PCDHGA10: variants seen among roughly 807,000 people sequenced by gnomAD.
PCDHGA10 encodes the protein protocadherin gamma subfamily A, 10, also known as protocadherin gamma-A10.
In PCDHGA10, 42 loss-of-function variants were observed where a neutral mutation model predicts 59.5. The ratio of observed to expected loss-of-function variants is 0.71; its 90% CI spans 0.55 to 0.91. The LOEUF is 0.91. Among genes scored for constraint, PCDHGA10 ranks in the 40% least tolerant of loss-of-function variants. PCDHGA10 has a pLI of 0.00. For synonymous variants in PCDHGA10, 511 were observed against 517.2 expected (o/e 0.99, Z 0.16); for missense variants, 1,111 against 1,198.2 (o/e 0.93, Z 1.07).
intron 1 of PCDHGA10, among the ~76,000 whole-genome samples, chr5:141,460,640 TGTTTACACATA>T (rs2098994223): frequency 6.6e-6 from 1 of 152,096 alleles, no homozygotes; most frequent in Admixed American, 6.6e-5. Flanking sequence ...TATATAACTG[TGTTTACACATA>T]TGTAACTGTA....
rs1357901633 is a variant in PCDHGA10, at chr5:141,476,594, C to G, written c.2437-18213C>G. On this transcript the variant is annotated intron_variant, in intron 1 of 3. Transcript: ENST00000398610. This position sits in a 1 kb window ranked among gnomAD's most constrained non-coding sequence, Gnocchi z 7.6. ...GACGCGCTTTCCGCTCGAGAGCGCG[C>G]ACGATCCCGATGTGGGAAGCAACTC... The G allele has an allele frequency of 3.7e-6, 6 of 1,614,242 alleles. No homozygotes were observed. The highest frequency in any genetic ancestry group is 4.2e-6 in the Non-Finnish European group (5 of 1,180,040).
chr5:141,420,079 C>A, intron 1 of PCDHGA10: 1 of 1,613,998 alleles, frequency 6.2e-7, no homozygotes, highest in Non-Finnish European at 8.5e-7. Flanking sequence ...CTGTGGGTCC[C>A]CCCAACTACA....
In PCDHGA10 at chr5:141,489,993, C is replaced by A; in HGVS notation, c.2437-4814C>A. 6.2e-7 allele frequency: 1 copy of A among 1,614,186 alleles called. No individual in the cohort carries two copies. The highest frequency in any genetic ancestry group is 1.1e-5 in the South Asian group (1 of 91,088). On this transcript the variant is annotated intron_variant, in intron 1 of 3. Transcript: ENST00000398610. The surrounding 1 kb of genome is among the most constrained non-coding windows in gnomAD (Gnocchi z 4.5). ...AATCCTCAGTTCTACGTGTGGGAATCCCAGAGAATGCACCCATTGGTACTC... is the reference window on the plus strand; with the variant it reads ...AATCCTCAGTTCTACGTGTGGGAATACCAGAGAATGCACCCATTGGTACTC...
At chr5:141,473,189 A>G (rs1049891105) in intron 1 of PCDHGA10, among the ~76,000 whole-genome samples, 2 of 152,198 alleles carry the variant, frequency 1.3e-5, no homozygotes, top group Admixed American at 6.5e-5. Flanking sequence ...GAAGGAGTAA[A>G]TGTATCTTCT....
chr5:141,494,021 G>C (rs1036188621), intron 1 of PCDHGA10, among the ~76,000 whole-genome samples: 2 of 152,158 alleles, frequency 1.3e-5, no homozygotes, highest in African/African-American at 2.4e-5. Context: ...CCCCTTGGGA[G>C]CCCTGGAGAC....
At chr5:141,423,572 G>A (rs1239529114) in intron 1 of PCDHGA10, 1 of 1,613,510 alleles carries the variant, frequency 6.2e-7, no homozygotes, top group Admixed American at 1.7e-5. Flanking sequence ...ACGCTCATCA[G>A]CCAGGAGAGC....
intron 1 of PCDHGA10, chr5:141,418,609 C>G: frequency 6.2e-7 from 1 of 1,614,026 alleles, no homozygotes. Flanking sequence ...ACAGGGTTAG[C>G]CTTCGGGAAG....
rs1374646530 is a variant in PCDHGA10, at chr5:141,431,339, T to C, written c.2436+15728T>C. ...AGCCGACGGTAGTAAGTACCCCGAA[T>C]TGGTGCTGAAACGCGCCCTGGACCG... On this transcript the variant is annotated intron_variant, in intron 1 of 3. Coordinates refer to ENST00000398610, the MANE Select transcript of PCDHGA10 (RefSeq NM_018913.3). This position sits in a 1 kb window ranked among gnomAD's most constrained non-coding sequence, Gnocchi z 4.8. 1 of 1,614,060 alleles carries C rather than the reference T, an allele frequency of 6.2e-7. No individual in the cohort carries two copies. The highest frequency in any genetic ancestry group is 8.5e-7 in the Non-Finnish European group (1 of 1,180,024).
Position 141,431,570 on chromosome 5 carries a change from G to T in PCDHGA10, c.2436+15959G>T. On this transcript the variant is annotated intron_variant, in intron 1 of 3. Coordinates refer to ENST00000398610, the MANE Select transcript of PCDHGA10 (RefSeq NM_018913.3). This position sits in a 1 kb window ranked among gnomAD's most constrained non-coding sequence, Gnocchi z 4.8. The stretch of plus-strand genomic sequence containing the variant: ...TGTAGTCAACGCTACCGACCCTGAC[G>T]AAGGAGTCAATGCGGAAGTGAGGTA... The T allele has an allele frequency of 6.2e-7, 1 of 1,614,172 alleles. No homozygotes were observed. Among genetic ancestry groups the T allele is most frequent in the Non-Finnish European group, 8.5e-7 (1 of 1,180,024 alleles).
In PCDHGA10 at chr5:141,431,213, TTCCC is replaced by T. The variant is rs1373533151; in HGVS notation, c.2436+15605_2436+15608del. 1 of 1,614,142 alleles carries T rather than the reference TTCCC, an allele frequency of 6.2e-7. No homozygotes were observed. Among genetic ancestry groups the T allele is most frequent in the Admixed American group, 1.7e-5 (1 of 60,020 alleles). On this transcript the variant is annotated intron_variant, in intron 1 of 3. Transcript: ENST00000398610. This position sits in a 1 kb window ranked among gnomAD's most constrained non-coding sequence, Gnocchi z 4.8. ...TGAAAATGCAGCCACTGAGATGCGGTTCCCTCTACCCCACGCCTGGGATCCGGAT... is the reference window on the plus strand; with the variant it reads ...TGAAAATGCAGCCACTGAGATGCGGTTCTACCCCACGCCTGGGATCCGGAT...
In PCDHGA10 at chr5:141,461,525, A is replaced by T. The variant is rs966592635; in HGVS notation, c.2437-33282A>T. ...TTGGTGATTTGTTAGTTCCTTGTAGATTCTGGATACTAGTCCTTTGTCAGA... is the reference window on the plus strand; with the variant it reads ...TTGGTGATTTGTTAGTTCCTTGTAGTTTCTGGATACTAGTCCTTTGTCAGA... On this transcript the variant is annotated intron_variant, in intron 1 of 3. Coordinates refer to ENST00000398610, the MANE Select transcript of PCDHGA10 (RefSeq NM_018913.3). 5.3e-5 allele frequency among the ~76,000 whole-genome samples: 8 copies of T among 152,106 alleles called. No individual in the cohort carries two copies. The South Asian group carries it at 1.7e-3, about 31-fold the overall frequency.
chr5:141,416,098 G>A (rs745507614), intron 1 of PCDHGA10: 19 of 160,674 alleles, frequency 1.2e-4, no homozygotes, highest in Non-Finnish European at 8.1e-5. Flanking sequence ...AAGGGCAATA[G>A]GCCTTTTTCA....
In PCDHGA10 at chr5:141,487,598, C is replaced by T. The variant is rs1450685717; in HGVS notation, c.2437-7209C>T. 6.2e-7 allele frequency: 1 copy of T among 1,614,210 alleles called. No homozygotes were observed. The highest frequency in any genetic ancestry group is 8.5e-7 in the Non-Finnish European group (1 of 1,180,046). ...TCGCCCAAGCTGCCCACCCTCTGAT[C>T]TTCTCTATGGGCTAGAGGTGAGACC... is the stretch of plus-strand genomic sequence containing the variant. On this transcript the variant is annotated intron_variant, in intron 1 of 3. Transcript: ENST00000398610. The surrounding 1 kb of genome is among the most constrained non-coding windows in gnomAD (Gnocchi z 5.0).
At chr5:141,418,127 A>G in intron 1 of PCDHGA10, 1 of 1,614,104 alleles carries the variant, frequency 6.2e-7, no homozygotes, top group East Asian at 2.2e-5. Flanking sequence ...GAAGGACCGA[A>G]TAGACCGTGA....
In PCDHGA10 at chr5:141,485,818, C is replaced by T; in HGVS notation, c.2437-8989C>T. 6 of 1,613,912 alleles carry T rather than the reference C, an allele frequency of 3.7e-6. No homozygotes were observed. The highest frequency in any genetic ancestry group is 5.1e-6 in the Non-Finnish European group (6 of 1,179,974). On this transcript the variant is annotated intron_variant, in intron 1 of 3. Transcript: ENST00000398610. This position sits in a 1 kb window ranked among gnomAD's most constrained non-coding sequence, Gnocchi z 5.7. ...ACTACCGCCTGGTGCTGACTGCTGTCGATGGAGGGAACCCGCCGAGATCTG... is the reference window on the plus strand; with the variant it reads ...ACTACCGCCTGGTGCTGACTGCTGTTGATGGAGGGAACCCGCCGAGATCTG...
Position 141,490,600 on chromosome 5 carries a change from T to G in PCDHGA10, c.2437-4207T>G. 6.2e-7 allele frequency: 1 copy of G among 1,614,164 alleles called. No homozygotes were observed. Among genetic ancestry groups the G allele is most frequent in the South Asian group, 1.1e-5 (1 of 91,072 alleles). ...AGATGTCAATGACAATGCACCCCGCTTCAACCAGCAGCTTTACACTGCTTA... is the reference window on the plus strand; with the variant it reads ...AGATGTCAATGACAATGCACCCCGCGTCAACCAGCAGCTTTACACTGCTTA... On this transcript the variant is annotated intron_variant, in intron 1 of 3. Coordinates refer to ENST00000398610, the MANE Select transcript of PCDHGA10 (RefSeq NM_018913.3). The surrounding 1 kb of genome is among the most constrained non-coding windows in gnomAD (Gnocchi z 5.4).
At position 141,491,098 on chromosome 5, in the gene PCDHGA10, C is replaced by A. The variant is rs1283499077; in HGVS notation, c.2437-3709C>A. ...ACAGTCCACAGCCCCAGGACTGTTC[C>A]TCGTGTCTACACACACTGGTGAGGT... On this transcript the variant is annotated intron_variant, in intron 1 of 3. Coordinates refer to ENST00000398610, the MANE Select transcript of PCDHGA10 (RefSeq NM_018913.3). This position sits in a 1 kb window ranked among gnomAD's most constrained non-coding sequence, Gnocchi z 6.9. 6.2e-7 allele frequency: 1 copy of A among 1,614,216 alleles called. No individual in the cohort carries two copies. Among genetic ancestry groups the A allele is most frequent in the Non-Finnish European group, 8.5e-7 (1 of 1,180,038 alleles).
intron 1 of PCDHGA10, chr5:141,418,233 ATGT>A: frequency 6.2e-7 from 1 of 1,614,048 alleles, no homozygotes; most frequent in Admixed American, 1.7e-5. Context: ...GTGATTGAGG[ATGT>A]TAATGACCAC....
In PCDHGA10 at chr5:141,489,734, A is replaced by G; in HGVS notation, c.2437-5073A>G. The G allele has an allele frequency of 6.2e-7, 1 of 1,614,164 alleles. No individual in the cohort carries two copies. Among genetic ancestry groups the G allele is most frequent in the Non-Finnish European group, 8.5e-7 (1 of 1,180,028 alleles). On this transcript the variant is annotated intron_variant, in intron 1 of 3. Transcript: ENST00000398610. This position sits in a 1 kb window ranked among gnomAD's most constrained non-coding sequence, Gnocchi z 4.5. ...GCCCAGGATCCGGATGTGGGCACCAATACTGTGAGCTTTTACACTCTAAGC... is the reference window on the plus strand; with the variant it reads ...GCCCAGGATCCGGATGTGGGCACCAGTACTGTGAGCTTTTACACTCTAAGC...
Sources: gnomAD v4.1 joint callset for allele counts (sites outside exome capture counted in the v4.1 genomes callset) on GRCh38, gnomAD v4.1.1 for gene constraint, Gnocchi (gnomAD v3.1) non-coding constraint, MANE v1.5 for transcripts, NCBI Gene and HGNC (gene_info 2026-07-23, HGNC 2026-07-21) for gene names.